The following KIF20A variants were observed in gnomAD, a reference collection of about 807,000 sequenced individuals.
KIF20A encodes the protein kinesin-like protein KIF20A.
Under a neutral mutation model 113.0 loss-of-function variants are expected in KIF20A, and 66 were observed. The ratio of observed to expected loss-of-function variants is 0.58; its 90% CI spans 0.48 to 0.72. The LOEUF (loss-of-function observed/expected upper bound fraction) is 0.72. KIF20A is among the 30% of genes least tolerant of loss of function. The pLI is 0.00. For synonymous variants in KIF20A, 376 were observed against 402.3 expected (o/e 0.93, Z 0.78); for missense variants, 927 against 1,077.6 (o/e 0.86, Z 1.96).
In KIF20A at chr5:138,182,959, C is replaced by T. The variant is rs780350277; in HGVS notation, c.801C>T (p.Ile267=). 13 of 1,614,074 alleles carry T rather than the reference C, an allele frequency of 8.1e-6. No individual in the cohort carries two copies. In the Admixed American group the frequency reaches 2.2e-4, roughly 27 times the overall value. ...GTGGCATTGCTGGGCTCTCTTCTAT[C>T]AGTCAGTGTACCAGCAGTAGCCAGC... ...FDSGIAGLSS[I]SQCTSSSQLD... The change falls in exon 7 of 19, where the codon ATC becomes ATT. Residue 267 remains isoleucine (I), a synonymous_variant. Coordinates refer to ENST00000394894, the MANE Select transcript of KIF20A (RefSeq NM_005733.3).
intron 4 of KIF20A, 140 bp from the exon 5 acceptor site, chr5:138,182,183 C>A: frequency 1.1e-6 from 1 of 871,576 alleles, no homozygotes; most frequent in Non-Finnish European, 1.8e-6. Flanking sequence ...GTTTAGGGAA[C>A]AGCCAGCAGC....
rs1046423274 is a variant in KIF20A, at chr5:138,183,358, T to G, written c.1022T>G (p.Val341Gly). Reference sequence around the variant, plus strand: ...GAGGATCAAAATGGCAATCCCTATGTGAAAGGTAAAGGAACATGGGGAAAG... The same window carrying G: ...GAGGATCAAAATGGCAATCCCTATGGGAAAGGTAAAGGAACATGGGGAAAG... ...LCEDQNGNPYVKDLNWIHVQD... is the reference protein window; with the variant it reads ...LCEDQNGNPYGKDLNWIHVQD... Residue 341 changes from valine to glycine, a missense_variant, in exon 8 of 19, where the codon GTG (valine) becomes GGG (glycine). Coordinates refer to ENST00000394894, the MANE Select transcript of KIF20A (RefSeq NM_005733.3). The surrounding 1 kb of genome is among the most constrained non-coding windows in gnomAD (Gnocchi z 5.2). 1.2e-6 allele frequency: 2 copies of G among 1,614,060 alleles called. No homozygotes were observed. Among genetic ancestry groups the G allele is most frequent in the Non-Finnish European group, 1.7e-6 (2 of 1,179,986 alleles).
At chr5:138,181,858 T>C (rs1754667337) in intron 4 of KIF20A, 130 bp downstream of exon 4, 5 of 911,208 alleles carry the variant, frequency 5.5e-6, no homozygotes, top group Non-Finnish European at 8.5e-6. Context: ...TTGAGGGCCC[T>C]AGTTATGTGT....
At chr5:138,181,550 G>T in intron 3 of KIF20A, 39 bp downstream of exon 3, 1 of 1,613,968 alleles carries the variant, frequency 6.2e-7, no homozygotes, top group South Asian at 1.1e-5. Context: ...GTGAAATGAT[G>T]CAGTACAAAA....
At chr5:138,182,564 T>TC in intron 5 of KIF20A, 22 bp from the exon 6 acceptor site, 1 of 1,613,976 alleles carries the variant, frequency 6.2e-7, no homozygotes. Flanking sequence ...GCCTCAGCTG[T>TC]CCATCTTTCA....
rs926307114 is a variant in KIF20A, at chr5:138,187,470, G to A, written c.*57G>A. 6 of 1,363,808 alleles carry A rather than the reference G, an allele frequency of 4.4e-6. No homozygotes were observed. The highest frequency in any genetic ancestry group is 1.5e-5 in the African/African-American group (1 of 68,804). 84.5% of individuals were successfully genotyped at this position (1,363,808 alleles called of 1,614,324 possible). On this transcript the variant is annotated 3_prime_UTR_variant, in exon 19 of 19. Transcript: ENST00000394894. The stretch of plus-strand genomic sequence containing the variant: ...CCTGAGGTGGGTCAGCTACTCTCCT[G>A]AAGAAATAGGTCTCTTTTATGCTTT...
intron 11 of KIF20A, 58 bp downstream of exon 11, chr5:138,184,163 C>A (rs1039236857): frequency 6.2e-7 from 1 of 1,611,688 alleles, no homozygotes; most frequent in African/African-American, 1.3e-5. Context: ...TTCCTGGACA[C>A]CACTGGGGAT....
Position 138,181,633 on chromosome 5 carries a change from G to C in KIF20A, c.280G>C (p.Glu94Gln). Reference sequence around the variant, plus strand: ...GGGTTGTGTCCGTATTGAGAATGTGGAGACCCTTGTTCTACAAGCACCCAA... The same window carrying C: ...GGGTTGTGTCCGTATTGAGAATGTGCAGACCCTTGTTCTACAAGCACCCAA... Reference protein sequence around the residue: ...DQGCVRIENVETLVLQAPKDS... With the variant: ...DQGCVRIENVQTLVLQAPKDS... Residue 94 changes from glutamate to glutamine, a missense_variant, in exon 4 of 19, where the codon GAG becomes CAG. Glu to Gln is a conservative substitution (Grantham distance 29). Transcript: ENST00000394894. 1 of 1,614,178 alleles carries C rather than the reference G, an allele frequency of 6.2e-7. No individual in the cohort carries two copies. The highest frequency in any genetic ancestry group is 8.5e-7 in the Non-Finnish European group (1 of 1,180,038).
In KIF20A at chr5:138,182,407, T is replaced by C; in HGVS notation, c.460T>C (p.Trp154Arg). 4.3e-6 allele frequency: 7 copies of C among 1,614,204 alleles called. No individual in the cohort carries two copies. Among genetic ancestry groups the C allele is most frequent in the Non-Finnish European group, 5.9e-6 (7 of 1,180,016 alleles). The change falls in exon 5 of 19, where the codon TGG becomes CGG. Residue 154 changes from tryptophan to arginine, a missense_variant. Transcript: ENST00000394894. The stretch of plus-strand genomic sequence containing the variant: ...AAAGGATGTACTCAAAGGGCAGAAC[T>C]GGCTCATCTATACATATGGAGTCAC... Reference protein sequence around the residue: ...MVKDVLKGQNWLIYTYGVTNS... With the variant: ...MVKDVLKGQNRLIYTYGVTNS...
At chr5:138,185,260 TAA>T in intron 15 of KIF20A, 63 bp downstream of exon 15, 1 of 1,148,024 alleles carries the variant, frequency 8.7e-7, no homozygotes, top group Non-Finnish European at 1.3e-6. Flanking sequence ...TTGCCTGAAG[TAA>T]AGAGATTTTA....
Position 138,183,504 on chromosome 5 carries a change from G to A in KIF20A, c.1062G>A (p.Glu354=), listed in dbSNP as rs751853905. 1.2e-5 allele frequency: 19 copies of A among 1,614,134 alleles called. No individual in the cohort carries two copies. The highest frequency in any genetic ancestry group is 1.4e-5 in the Non-Finnish European group (16 of 1,180,040). ...LNWIHVQDAE[E]AWKLLKVGRK... ...GGATTCATGTGCAAGATGCTGAGGA[G>A]GCCTGGAAGCTCCTAAAAGTGGGTC... is the stretch of plus-strand genomic sequence containing the variant. Residue 354 remains glutamate (E), a synonymous_variant, in exon 9 of 19, where the codon GAG becomes GAA. Coordinates refer to ENST00000394894, the MANE Select transcript of KIF20A (RefSeq NM_005733.3). This position sits in a 1 kb window ranked among gnomAD's most constrained non-coding sequence, Gnocchi z 5.2.
intron 3 of KIF20A, 29 bp from the exon 4 acceptor site, chr5:138,181,580 T>C (rs1355295438): frequency 2.5e-6 from 4 of 1,614,208 alleles, no homozygotes; most frequent in Non-Finnish European, 3.4e-6. Context: ...GAATGCCTTC[T>C]GTGACAACTG....
chr5:138,183,892 G>C lies in KIF20A; in HGVS notation c.1209-70G>C. 6.2e-7 allele frequency: 1 copy of C among 1,605,962 alleles called. No individual in the cohort carries two copies. Among genetic ancestry groups the C allele is most frequent in the Non-Finnish European group, 8.5e-7 (1 of 1,174,486 alleles). On this transcript the variant is annotated intron_variant, in intron 10 of 18. Transcript: ENST00000394894. The surrounding 1 kb of genome is among the most constrained non-coding windows in gnomAD (Gnocchi z 5.2). Reference sequence around the variant, plus strand: ...TTCTTAGTGGGCCGTCCCCTCTCCAGAATTATACAAAGGGCCAGAAGGCTC... The same window carrying C: ...TTCTTAGTGGGCCGTCCCCTCTCCACAATTATACAAAGGGCCAGAAGGCTC...
intron 1 of KIF20A, 169 bp from the exon 2 acceptor site, chr5:138,179,491 T>C (rs1388880301): frequency 1.7e-6 from 1 of 588,622 alleles, no homozygotes; most frequent in Admixed American, 3.0e-5. Context: ...TCTCAATTGT[T>C]CATTAAGTGA....
At position 138,187,564 on chromosome 5, in the gene KIF20A, T is replaced by C. The variant is rs1240283320; in HGVS notation, c.*151T>C. Reference sequence around the variant, plus strand: ...TAGCTTTTTTCTCACTTTTGTATTATAACCACCTATGTAATCTCATGTTGT... The same window carrying C: ...TAGCTTTTTTCTCACTTTTGTATTACAACCACCTATGTAATCTCATGTTGT... On this transcript the variant is annotated 3_prime_UTR_variant, in exon 19 of 19. Coordinates refer to ENST00000394894, the MANE Select transcript of KIF20A (RefSeq NM_005733.3). 4.8e-6 allele frequency: 3 copies of C among 619,108 alleles called. No individual in the cohort carries two copies. The highest frequency in any genetic ancestry group is 3.7e-5 in the African/African-American group (2 of 54,406). The allele number at this position is 619,108 out of a possible 1,614,324, so 38.4% of individuals were successfully genotyped here. A position where few individuals can be genotyped will look rare whatever the true frequency, so the allele number is the denominator to read the frequency against.
chr5:138,186,173 T>TA, intron 17 of KIF20A, 121 bp downstream of exon 17: 1 of 1,477,138 alleles, frequency 6.8e-7, no homozygotes, highest in East Asian at 2.3e-5. Context: ...GGAGAGTGGC[T>TA]ATTTCACTCA....
At chr5:138,185,015 A>G in intron 14 of KIF20A, 69 bp downstream of exon 14, 1 of 1,597,686 alleles carries the variant, frequency 6.3e-7, no homozygotes, top group Non-Finnish European at 8.6e-7. Context: ...AGTTAGGTGG[A>G]GTTGTGCCTC....
At chr5:138,180,997 A>G (rs572163672) in intron 2 of KIF20A, among the ~76,000 whole-genome samples, 44 of 152,334 alleles carry the variant, frequency 2.9e-4, no homozygotes, top group African/African-American at 1.0e-3. Context: ...TGTTGAATGA[A>G]TGACATAGGT....
At position 138,184,552 on chromosome 5, in the gene KIF20A, T is replaced by C. The variant is rs1754713619; in HGVS notation, c.1559T>C (p.Leu520Pro). ...APPMQLGFPS[L>P]HSFIKEHSLQ... ...CCTATGCAACTGGGATTCCCATCCC[T>C]GCACTCGTTCATCAAGGAACATAGT... Residue 520 changes from leucine (L) to proline (P), a missense_variant, in exon 13 of 19, where the codon CTG becomes CCG. By Grantham distance (98) the Leu-to-Pro change is moderately conservative. Coordinates refer to ENST00000394894, the MANE Select transcript of KIF20A (RefSeq NM_005733.3). 6.2e-7 allele frequency: 1 copy of C among 1,614,038 alleles called. No homozygotes were observed. The highest frequency in any genetic ancestry group is 8.5e-7 in the Non-Finnish European group (1 of 1,180,014).
Sources: allele counts gnomAD v4.1 joint callset (sites outside exome capture counted in the v4.1 genomes callset), GRCh38; gene constraint gnomAD v4.1.1; non-coding constraint Gnocchi (gnomAD v3.1); transcripts MANE v1.5; gene names NCBI Gene and HGNC (gene_info 2026-07-23, HGNC 2026-07-21).